Variants in PRKN observed in about 807,000 individuals in gnomAD.
PRKN encodes parkin RBR E3 ubiquitin protein ligase, also known as E3 ubiquitin-protein ligase parkin.
Under a neutral mutation model 59.5 loss-of-function variants are expected in PRKN, and 56 were observed. The ratio of observed to expected loss-of-function variants is 0.94; its 90% CI spans 0.76 to 1.18. The LOEUF (loss-of-function observed/expected upper bound fraction) is 1.18, where lower values mean the gene tolerates loss of function less well. Ranked by LOEUF, PRKN falls within the 50% of genes most tolerant of loss-of-function variation. The probability of loss-of-function intolerance (pLI) is 0.00; values close to 1 mark genes in which losing one functional copy is unlikely to be tolerated. For missense variants in PRKN, 657 were observed against 596.4 expected (o/e 1.10, Z -1.06); for synonymous variants, 250 against 222.1 (o/e 1.13, Z -1.12).
At chr6:162,114,681 G>A (rs34816205) in intron 4 of PRKN, among the ~76,000 whole-genome samples, 31,341 of 138,960 alleles carry the variant, frequency 0.23, 3,712 homozygotes, top group African/African-American at 0.26. Context: ...AAAAGTGGGC[G>A]AAGGACATGA....
chr6:162,070,515 A>G (rs1325050133), intron 4 of PRKN, among the ~76,000 whole-genome samples: 1 of 152,070 alleles, frequency 6.6e-6, no homozygotes, highest in Non-Finnish European at 1.5e-5. Flanking sequence ...GCTGAATATA[A>G]GCTGAGGTCA....
intron 6 of PRKN, among the ~76,000 whole-genome samples, chr6:161,909,669 G>T (rs752375265): frequency 6.9e-4 from 105 of 152,110 alleles, no homozygotes; most frequent in Non-Finnish European, 1.3e-3. Flanking sequence ...TCTTGCTTCC[G>T]CTGGACAGTG....
intron 1 of PRKN, among the ~76,000 whole-genome samples, chr6:162,647,321 C>G (rs755441571): frequency 2.8e-4 from 42 of 151,886 alleles, no homozygotes; most frequent in African/African-American, 8.5e-4. Context: ...ATAAGTAAAT[C>G]AATGAGAACA....
At position 162,680,614 on chromosome 6, in the gene PRKN, CACTT is replaced by C. The variant is rs553619526; in HGVS notation, c.7+47044_7+47047del. Among the ~76,000 whole-genome samples, 415 of 152,170 alleles carry C rather than the reference CACTT, an allele frequency of 2.7e-3. 1 individual carries two copies. Among genetic ancestry groups the C allele is most frequent in the African/African-American group, 7.5e-3 (311 of 41,548 alleles). ...AGTAGAATGCTTATTTCAATAAACTCACTTAATGCAAAAGATAAGATCATAAAGG... is the reference window on the plus strand; with the variant it reads ...AGTAGAATGCTTATTTCAATAAACTCAATGCAAAAGATAAGATCATAAAGG... On this transcript the variant is annotated intron_variant, in intron 1 of 11. Coordinates refer to ENST00000366898, the MANE Select transcript of PRKN (RefSeq NM_004562.3).
At chr6:161,957,771 T>C (rs1780237158) in intron 6 of PRKN, among the ~76,000 whole-genome samples, 1 of 152,132 alleles carries the variant, frequency 6.6e-6, no homozygotes, top group Non-Finnish European at 1.5e-5. Flanking sequence ...ATGCCATGTT[T>C]CTGACAGTAT....
chr6:162,552,577 C>T (rs1334019378), intron 1 of PRKN, among the ~76,000 whole-genome samples: 1 of 151,802 alleles, frequency 6.6e-6, no homozygotes, highest in Non-Finnish European at 1.5e-5. Context: ...AATAAGTTTC[C>T]ATGAAAAAAA....
intron 4 of PRKN, among the ~76,000 whole-genome samples, chr6:162,126,477 A>C (rs1184797876): frequency 6.6e-6 from 1 of 152,248 alleles, no homozygotes; most frequent in East Asian, 1.9e-4. Flanking sequence ...GGAAAAGGTC[A>C]AATTATGTGG....
intron 6 of PRKN, among the ~76,000 whole-genome samples, chr6:161,801,687 T>C (rs1260146908): frequency 3.3e-5 from 5 of 152,128 alleles, no homozygotes; most frequent in Admixed American, 3.3e-4. Flanking sequence ...GGTTTTAACC[T>C]TCCATCTCAC....
chr6:162,184,555 C>T (rs1420545215), intron 4 of PRKN, among the ~76,000 whole-genome samples: 2 of 152,136 alleles, frequency 1.3e-5, no homozygotes, highest in Non-Finnish European at 2.9e-5. Flanking sequence ...TCTCTTGCTG[C>T]CCTGTGTAGA....
intron 1 of PRKN, among the ~76,000 whole-genome samples, chr6:162,607,720 T>C (rs995853914): frequency 6.6e-6 from 1 of 152,144 alleles, no homozygotes; most frequent in African/African-American, 2.4e-5. Flanking sequence ...TGCCTTAGGA[T>C]GCAAGGAAGC....
At chr6:161,693,273 T>A (rs1037429374) in intron 7 of PRKN, among the ~76,000 whole-genome samples, 27 of 152,214 alleles carry the variant, frequency 1.8e-4, no homozygotes, top group Admixed American at 7.9e-4. Flanking sequence ...TTTTCTGTCT[T>A]TTAATTTATC....
chr6:161,827,366 T>A (rs1181095993), intron 6 of PRKN, among the ~76,000 whole-genome samples: 4 of 152,196 alleles, frequency 2.6e-5, no homozygotes, highest in Non-Finnish European at 4.4e-5. Flanking sequence ...GATGGGTTTT[T>A]AGAATCTGAG....
intron 5 of PRKN, among the ~76,000 whole-genome samples, chr6:162,044,354 G>C (rs1164319723): frequency 6.6e-6 from 1 of 152,142 alleles, no homozygotes; most frequent in Non-Finnish European, 1.5e-5. Context: ...CACCTCCCAG[G>C]TGCTTCCCAG....
At chr6:162,413,458 G>A (rs1015940620) in intron 2 of PRKN, among the ~76,000 whole-genome samples, 3 of 152,140 alleles carry the variant, frequency 2.0e-5, no homozygotes, top group Non-Finnish European at 4.4e-5. Context: ...AAGTTAATAA[G>A]CTGCCTCAGA....
chr6:161,661,699 G>C (rs899366005), intron 7 of PRKN, among the ~76,000 whole-genome samples: 4 of 152,198 alleles, frequency 2.6e-5, no homozygotes, highest in Non-Finnish European at 5.9e-5. Context: ...ATCTAGAACA[G>C]TGCCTGAAAG....
At chr6:161,590,087 G>A (rs577082005) in intron 7 of PRKN, among the ~76,000 whole-genome samples, 1 of 151,892 alleles carries the variant, frequency 6.6e-6, no homozygotes, top group East Asian at 1.9e-4. Flanking sequence ...CTGTGCCTGG[G>A]CTAGAGTATT....
Position 161,886,751 on chromosome 6 carries a change from TAAAAA to T in PRKN, c.734+86546_734+86550del, listed in dbSNP as rs11356803. 3.0e-3 allele frequency among the ~76,000 whole-genome samples: 434 copies of T among 144,782 alleles called. 3 individuals carry two copies. The highest frequency in any genetic ancestry group is 0.017 in the South Asian group (81 of 4,684). The allele number at this position is 144,782 out of a possible 152,430, so 95.0% of individuals were successfully genotyped here. ...CATAAAATAAAATAAAATAATAAAATAAAAAAAAATAAAATAAAATGAATATTTAA... is the reference window on the plus strand; with the variant it reads ...CATAAAATAAAATAAAATAATAAAATAAAATAAAATAAAATGAATATTTAA... On this transcript the variant is annotated intron_variant, in intron 6 of 11. Coordinates refer to ENST00000366898, the MANE Select transcript of PRKN (RefSeq NM_004562.3).
At chr6:161,950,003 A>T (rs1779928183) in intron 6 of PRKN, among the ~76,000 whole-genome samples, 1 of 152,224 alleles carries the variant, frequency 6.6e-6, no homozygotes, top group South Asian at 2.1e-4. Flanking sequence ...AAACAGTTAC[A>T]GGTAACTAAA....
chr6:162,316,310 T>A (rs776880694), intron 2 of PRKN, among the ~76,000 whole-genome samples: 1 of 152,014 alleles, frequency 6.6e-6, no homozygotes, highest in Non-Finnish European at 1.5e-5. Context: ...CTCATGTCAC[T>A]GGCCAACAGG....
Sources: gnomAD v4.1 joint callset for allele counts (sites outside exome capture counted in the v4.1 genomes callset) on GRCh38, gnomAD v4.1.1 for gene constraint, MANE v1.5 for transcripts, NCBI Gene and HGNC (gene_info 2026-07-23, HGNC 2026-07-21) for gene names.